MMP20: variants seen among roughly 807,000 people sequenced by gnomAD.
MMP20 encodes matrix metalloproteinase-20.
A neutral mutation model predicts 51.8 loss-of-function variants in MMP20; 50 were observed. The observed-to-expected ratio is 0.97, with a 90% CI of 0.77 to 1.22. MMP20 has a LOEUF of 1.22. MMP20 is among the 50% of genes most tolerant of loss of function. MMP20 has a pLI of 0.00. For synonymous variants in MMP20, 244 were observed against 216.2 expected, an observed-to-expected ratio of 1.13 and a Z score of -1.13; for missense variants, 663 against 601.4, an observed-to-expected ratio of 1.10 and a Z score of -1.07.
intron 5 of MMP20, chr11:102,608,218 T>C (rs1859544212): frequency 6.6e-6 from 1 of 152,242 alleles, no homozygotes; most frequent in African/African-American, 2.4e-5. Context: ...TTCCTAGATC[T>C]TTTTGCCTTT....
At chr11:102,588,671 A>G (rs2135931217) in intron 8 of MMP20, among the ~76,000 whole-genome samples, 2 of 152,324 alleles carry the variant, frequency 1.3e-5, no homozygotes. Flanking sequence ...ACATAATTAC[A>G]CTTACTACTG....
chr11:102,590,046 G>T (rs1711399), intron 8 of MMP20, among the ~76,000 whole-genome samples: 77,218 of 151,892 alleles, frequency 0.51, 20,232 homozygotes, highest in South Asian at 0.67. Context: ...GGTAGGATCT[G>T]CAGATTTGCA....
chr11:102,614,554 G>C (rs749766442), intron 2 of MMP20, among the ~76,000 whole-genome samples: 1 of 152,188 alleles, frequency 6.6e-6, no homozygotes, highest in African/African-American at 2.4e-5. Flanking sequence ...AGACTCTGTC[G>C]ATGCGTACAC....
At chr11:102,585,234 A>G (rs1859241527) in intron 8 of MMP20, among the ~76,000 whole-genome samples, 1 of 152,198 alleles carries the variant, frequency 6.6e-6, no homozygotes, top group Non-Finnish European at 1.5e-5. Context: ...TCATCCATGA[A>G]CATGAGATAT....
intron 9 of MMP20, among the ~76,000 whole-genome samples, chr11:102,578,722 G>A (rs527913481): frequency 2.6e-5 from 4 of 151,532 alleles, no homozygotes; most frequent in South Asian, 2.1e-4. Context: ...GCCACAGAGC[G>A]AGACTCCGTC....
At position 102,624,401 on chromosome 11, in the gene MMP20, CATATATATATATAT is replaced by C. The variant is rs58212685; in HGVS notation, c.126+779_126+792del. Among the ~76,000 whole-genome samples, 362 of 140,230 alleles carry C rather than the reference CATATATATATATAT, an allele frequency of 2.6e-3. 1 individual carries two copies. The highest frequency in any genetic ancestry group is 9.3e-3 in the African/African-American group (338 of 36,204). The allele number at this position is 140,230 out of a possible 152,430, so 92.0% of individuals were successfully genotyped here. Reference sequence around the variant, plus strand: ...TTTAAAAACAAAACACGCTTGGAAGCATATATATATATATATATATATATATATATATATATATA... The same window carrying C: ...TTTAAAAACAAAACACGCTTGGAAGCATATATATATATATATATATATATA... On this transcript the variant is annotated intron_variant, in intron 1 of 9. Transcript: ENST00000260228.
intron 6 of MMP20, among the ~76,000 whole-genome samples, chr11:102,596,035 G>T (rs906481882): frequency 6.6e-6 from 1 of 152,178 alleles, no homozygotes; most frequent in Non-Finnish European, 1.5e-5. Flanking sequence ...CAGGCACTGT[G>T]GTGGACATCA....
At chr11:102,613,842 G>A (rs1565399176) in intron 2 of MMP20, among the ~76,000 whole-genome samples, 1 of 152,204 alleles carries the variant, frequency 6.6e-6, no homozygotes, top group Non-Finnish European at 1.5e-5. Context: ...TGCATAATAT[G>A]AGTCTGCAAT....
chr11:102,610,665 T>G (rs1485656006), intron 3 of MMP20, among the ~76,000 whole-genome samples: 1 of 152,072 alleles, frequency 6.6e-6, no homozygotes, highest in Non-Finnish European at 1.5e-5. Context: ...TAACAATTCA[T>G]TACAAATTTA....
Position 102,577,965 on chromosome 11 carries a change from T to C in MMP20, c.1352-539A>G, listed in dbSNP as rs548819587. The stretch of plus-strand genomic sequence containing the variant: ...AGCAGTGGCCACATCTGGAATGGTC[T>C]TTGCACTTCTGAACAGTGTCCAGCC... On this transcript the variant is annotated intron_variant, in intron 9 of 9. Transcript: ENST00000260228. Among the ~76,000 whole-genome samples the C allele has an allele frequency of 3.3e-5, 5 of 152,358 alleles. No individual in the cohort carries two copies. The South Asian group carries it at 1.0e-3, about 32-fold the overall frequency.
At chr11:102,618,750 T>G (rs1013941475) in intron 1 of MMP20, among the ~76,000 whole-genome samples, 2 of 152,222 alleles carry the variant, frequency 1.3e-5, no homozygotes, top group Non-Finnish European at 2.9e-5. Flanking sequence ...TATGTCTGGG[T>G]AATGAAATTA....
chr11:102,600,041 G>A (rs574415100), intron 6 of MMP20, among the ~76,000 whole-genome samples: 2 of 152,334 alleles, frequency 1.3e-5, no homozygotes, highest in African/African-American at 4.8e-5. Context: ...ATGACAATGA[G>A]TCAGGGATGT....
In MMP20 at chr11:102,615,712, TGTG is replaced by T. The variant is rs1859660949; in HGVS notation, c.374+1097_374+1099del. Reference sequence around the variant, plus strand: ...GCTGCAGCCGCATGCACTAGGCACTTGTGGTGGGAATGCTGCCCATCAACATGC... The same window carrying T: ...GCTGCAGCCGCATGCACTAGGCACTTGTGGGAATGCTGCCCATCAACATGC... On this transcript the variant is annotated intron_variant, in intron 2 of 9. Coordinates refer to ENST00000260228, the MANE Select transcript of MMP20 (RefSeq NM_004771.4). Among the ~76,000 whole-genome samples, 3 of 152,270 alleles carry T rather than the reference TGTG, an allele frequency of 2.0e-5. No homozygotes were observed. The South Asian group carries it at 6.2e-4, about 32-fold the overall frequency.
At chr11:102,591,686 T>C (rs1859319033) in intron 8 of MMP20, among the ~76,000 whole-genome samples, 1 of 152,218 alleles carries the variant, frequency 6.6e-6, no homozygotes, top group African/African-American at 2.4e-5. Flanking sequence ...TTATCTAGAT[T>C]ACAAAAGACT....
chr11:102,579,458 A>G (rs1859168300), intron 8 of MMP20, among the ~76,000 whole-genome samples: 1 of 151,846 alleles, frequency 6.6e-6, no homozygotes, highest in African/African-American at 2.4e-5. Flanking sequence ...GACTACAGGC[A>G]TGTACCACCA....
intron 6 of MMP20, among the ~76,000 whole-genome samples, chr11:102,597,675 AAAC>A (rs1859398067): frequency 6.6e-6 from 1 of 152,246 alleles, no homozygotes; most frequent in South Asian, 2.1e-4. Flanking sequence ...ACCCTGCTTT[AAAC>A]ACCACTATGA....
At chr11:102,584,216 A>G (rs1591608639) in intron 8 of MMP20, among the ~76,000 whole-genome samples, 1 of 152,336 alleles carries the variant, frequency 6.6e-6, no homozygotes, top group East Asian at 1.9e-4. Context: ...CTGCTTTCCA[A>G]AGTGGCTATA....
chr11:102,617,484 C>T (rs1303327966), intron 1 of MMP20, among the ~76,000 whole-genome samples: 2 of 152,148 alleles, frequency 1.3e-5, no homozygotes, highest in Non-Finnish European at 2.9e-5. Flanking sequence ...CTTTGGTAAA[C>T]AGTTATTGGT....
chr11:102,611,876 A>C lies in MMP20; in HGVS notation c.402T>G (p.Ser134Arg). The C allele has an allele frequency of 1.2e-6, 2 of 1,614,154 alleles. No individual in the cohort carries two copies. Among genetic ancestry groups the C allele is most frequent in the Non-Finnish European group, 8.5e-7 (1 of 1,179,962 alleles). Residue 134 changes from serine to arginine, a missense_variant, in exon 3 of 10, where the codon AGT becomes AGG. Coordinates refer to ENST00000260228, the MANE Select transcript of MMP20 (RefSeq NM_004771.4). ...YRISKYTPSMSSVEVDKAVEM... is the reference protein window; with the variant it reads ...YRISKYTPSMRSVEVDKAVEM... ...CCACTGCTTTGTCCACCTCGACAGA[A>C]CTCATGGAAGGTGTGTATTTAGATA...
Sources: allele counts gnomAD v4.1 joint callset (sites outside exome capture counted in the v4.1 genomes callset), GRCh38; gene constraint gnomAD v4.1.1; transcripts MANE v1.5; gene names NCBI Gene and HGNC (gene_info 2026-07-23, HGNC 2026-07-21).